ADGRL2: variants seen among roughly 807,000 people sequenced by gnomAD.
ADGRL2 encodes calcium-independent alpha-latrotoxin receptor 2.
Under a neutral mutation model 157.4 loss-of-function variants are expected in ADGRL2, and 44 were observed. The observed-to-expected ratio is 0.28, with a 90% CI of 0.22 to 0.36. The LOEUF is 0.36. ADGRL2 is among the 10% of genes least tolerant of loss of function. The pLI, the probability that ADGRL2 is intolerant of heterozygous loss-of-function variation, is 1.00. For synonymous variants in ADGRL2, 585 were observed against 624.7 expected (o/e 0.94, Z 0.95); for missense variants, 1,510 against 1,768.9 (o/e 0.85, Z 2.63).
At chr1:81,872,599 C>T (rs1281861089) in intron 2 of ADGRL2, among the ~76,000 whole-genome samples, 1 of 152,056 alleles carries the variant, frequency 6.6e-6, no homozygotes, top group Non-Finnish European at 1.5e-5. Flanking sequence ...TTGGTGCTTA[C>T]TGGACTTTTG....
chr1:81,608,005 C>T (rs966753287), intron 3 of ADGRL2, among the ~76,000 whole-genome samples: 5 of 152,140 alleles, frequency 3.3e-5, no homozygotes, highest in Admixed American at 3.3e-4. Flanking sequence ...CATAATATTT[C>T]TCTGAGGGCC....
At chr1:81,700,525 A>T in intron 1 of ADGRL2, among the ~76,000 whole-genome samples, 1 of 152,214 alleles carries the variant, frequency 6.6e-6, no homozygotes, top group East Asian at 1.9e-4. Flanking sequence ...GTCACAACTA[A>T]TTGTTTCTTG....
chr1:81,817,450 T>C (rs1404858607), intron 1 of ADGRL2, among the ~76,000 whole-genome samples: 1 of 152,128 alleles, frequency 6.6e-6, no homozygotes, highest in Non-Finnish European at 1.5e-5. Context: ...AAAGTGCAGC[T>C]TTTTGTTAGT....
chr1:81,878,035 T>G (rs1045796769), intron 2 of ADGRL2, among the ~76,000 whole-genome samples: 4 of 152,174 alleles, frequency 2.6e-5, no homozygotes, highest in Admixed American at 1.3e-4. Context: ...TAGAATACTA[T>G]GCAGTTGTAA....
chr1:81,515,760 T>G (rs2148122643), intron 2 of ADGRL2, among the ~76,000 whole-genome samples: 1 of 152,336 alleles, frequency 6.6e-6, no homozygotes, highest in Admixed American at 6.5e-5. Context: ...ATTTTATACA[T>G]AAACATTCAT....
At chr1:81,736,370 T>C (rs1392706492) in intron 1 of ADGRL2, among the ~76,000 whole-genome samples, 1 of 152,172 alleles carries the variant, frequency 6.6e-6, no homozygotes, top group Non-Finnish European at 1.5e-5. Context: ...CTTGATATTG[T>C]AGGGAATCCC....
At chr1:81,846,973 G>T (rs2092814604) in intron 2 of ADGRL2, among the ~76,000 whole-genome samples, 1 of 145,342 alleles carries the variant, frequency 6.9e-6, no homozygotes, top group African/African-American at 2.4e-5. Context: ...CTTGTTTAAG[G>T]AAAGTGTTTT....
rs114805635 is a variant in ADGRL2, at chr1:81,674,006, T to C, written c.-142-87805T>C. Among the ~76,000 whole-genome samples, 1,458 of 152,294 alleles carry C rather than the reference T, an allele frequency of 9.6e-3. 31 individuals are homozygous for C. Among genetic ancestry groups the C allele is most frequent in the African/African-American group, 0.033 (1,390 of 41,556 alleles). The stretch of plus-strand genomic sequence containing the variant: ...TTTCAGAAATGACCCATGTAAATAA[T>C]TTTTATAAATTATCTGAGTCCTGGC... On this transcript the variant is annotated intron_variant, in intron 3 of 24. Transcript: ENST00000370721.
intron 3 of ADGRL2, among the ~76,000 whole-genome samples, chr1:81,592,281 G>C (rs947623214): frequency 2.0e-5 from 3 of 152,168 alleles, no homozygotes; most frequent in Non-Finnish European, 4.4e-5. Context: ...AAATGTTTTA[G>C]GCTTTGAGAT....
intron 3 of ADGRL2, chr1:81,596,175 CA>C: frequency 2.0e-6 from 1 of 502,428 alleles, no homozygotes; most frequent in Non-Finnish European, 3.8e-6. Flanking sequence ...TGGTGACTTC[CA>C]CTTTAACTCC....
intron 1 of ADGRL2, chr1:81,722,423 C>A: frequency 9.6e-7 from 1 of 1,040,920 alleles, no homozygotes; most frequent in Non-Finnish European, 1.5e-6. Context: ...TGCCATTAAG[C>A]TGAATTTGCG....
At chr1:81,724,383 G>T (rs1431917393) in intron 1 of ADGRL2, among the ~76,000 whole-genome samples, 5 of 152,162 alleles carry the variant, frequency 3.3e-5, no homozygotes, top group Admixed American at 3.3e-4. Flanking sequence ...AAATTGATAT[G>T]CACAGAGGGG....
chr1:81,865,790 G>T (rs1055733429), intron 2 of ADGRL2, among the ~76,000 whole-genome samples: 2 of 152,144 alleles, frequency 1.3e-5, no homozygotes, highest in African/African-American at 4.8e-5. Context: ...GTTGGAAATG[G>T]TTTTATTAAA....
chr1:81,769,120 T>C (rs2086254023), intron 2 of ADGRL2, among the ~76,000 whole-genome samples: 1 of 152,188 alleles, frequency 6.6e-6, no homozygotes, highest in South Asian at 2.1e-4. Context: ...AACTGATTTG[T>C]AGATAATATC....
intron 3 of ADGRL2, among the ~76,000 whole-genome samples, chr1:81,668,996 G>C (rs2082812132): frequency 6.6e-6 from 1 of 152,092 alleles, no homozygotes; most frequent in Non-Finnish European, 1.5e-5. Flanking sequence ...CATTCTTTTA[G>C]TTTTTATCTG....
intron 3 of ADGRL2, among the ~76,000 whole-genome samples, chr1:81,639,402 A>T (rs1055564598): frequency 6.6e-6 from 1 of 152,064 alleles, no homozygotes; most frequent in Non-Finnish European, 1.5e-5. Flanking sequence ...AGACATATAG[A>T]TTAAAAGTAA....
Position 81,349,665 on chromosome 1 carries a change from T to C in ADGRL2, c.-302+43156T>C, listed in dbSNP as rs1346742681. Among the ~76,000 whole-genome samples, 6 of 127,376 alleles carry C rather than the reference T, an allele frequency of 4.7e-5. 1 individual carries two copies. The highest frequency in any genetic ancestry group is 8.0e-5 in the Non-Finnish European group (5 of 62,634). 83.6% of individuals were successfully genotyped at this position (127,376 alleles called of 152,430 possible). ...ACACACACACACACACACACACACA[T>C]CAGCATTCATTCTTTGGAATCACTA... On this transcript the variant is annotated intron_variant, in intron 1 of 24. Coordinates refer to the ADGRL2 transcript ENST00000370721.
chr1:81,464,862 A>G (rs1006180311), intron 2 of ADGRL2, among the ~76,000 whole-genome samples: 7 of 151,866 alleles, frequency 4.6e-5, no homozygotes, highest in Admixed American at 2.0e-4. Flanking sequence ...ATTCAAAGAC[A>G]GCAGAGTTCA....
At chr1:81,579,797 C>A (rs1295785518) in intron 2 of ADGRL2, among the ~76,000 whole-genome samples, 4 of 151,734 alleles carry the variant, frequency 2.6e-5, no homozygotes, top group Admixed American at 6.6e-5. Context: ...AATTTAAGAT[C>A]TTTAAAAAAA....
Sources: gnomAD v4.1 joint callset for allele counts (sites outside exome capture counted in the v4.1 genomes callset) on GRCh38, gnomAD v4.1.1 for gene constraint, MANE v1.5 for transcripts, NCBI Gene and HGNC (gene_info 2026-07-23, HGNC 2026-07-21) for gene names.